Variants in TRIM2 observed in about 807,000 individuals in gnomAD.
TRIM2 encodes tripartite motif containing 2.
TRIM2 carries 20 observed loss-of-function variants against 75.2 expected under a neutral mutation model. The ratio of observed to expected loss-of-function variants is 0.27; its 90% CI spans 0.19 to 0.39. TRIM2 has a LOEUF of 0.39. TRIM2 is among the 10% of genes least tolerant of loss of function. The pLI, the probability that TRIM2 is intolerant of heterozygous loss-of-function variation, is 1.00. For missense variants in TRIM2, 660 were observed against 990.8 expected, an observed-to-expected ratio of 0.67 and a Z score of 4.48; for synonymous variants, 373 against 388.3, an observed-to-expected ratio of 0.96 and a Z score of 0.46.
chr4:153,257,080 G>A (rs1442029673), intron 1 of TRIM2, among the ~76,000 whole-genome samples: 1 of 152,194 alleles, frequency 6.6e-6, no homozygotes, highest in Non-Finnish European at 1.5e-5. Context: ...GGTACCATAT[G>A]CCCAGTTTCT....
At chr4:153,191,813 C>T (rs1371125998) in intron 1 of TRIM2, among the ~76,000 whole-genome samples, 3 of 152,164 alleles carry the variant, frequency 2.0e-5, no homozygotes, top group Non-Finnish European at 1.5e-5. Flanking sequence ...ACAAGCCTTC[C>T]TATAGTATAT....
rs1772303812 is a variant in TRIM2 at position 153,335,129 on chromosome 4, A to T, written c.*163A>T. The T allele has an allele frequency of 7.7e-7, 1 of 1,292,246 alleles. No individual in the cohort carries two copies. Among genetic ancestry groups the T allele is most frequent in the South Asian group, 2.9e-5 (1 of 34,210 alleles). The allele number at this position is 1,292,246 out of a possible 1,614,324, so 80.0% of individuals were successfully genotyped here. On this transcript the variant is annotated 3_prime_UTR_variant, in exon 12 of 12. Transcript: ENST00000338700. Reference sequence around the variant, plus strand: ...GTAACAATTTCCTTAAAAATGACTTATCCAATTTCTGTATTTCACCTTTAG... The same window carrying T: ...GTAACAATTTCCTTAAAAATGACTTTTCCAATTTCTGTATTTCACCTTTAG...
At chr4:153,284,713 A>G (rs1157508350) in intron 3 of TRIM2, among the ~76,000 whole-genome samples, 1 of 152,172 alleles carries the variant, frequency 6.6e-6, no homozygotes, top group Non-Finnish European at 1.5e-5. Context: ...TCATATTTTC[A>G]TGTGCTAATT....
chr4:153,208,723 C>T (rs1490008992), intron 1 of TRIM2, among the ~76,000 whole-genome samples: 1 of 152,158 alleles, frequency 6.6e-6, no homozygotes, highest in Non-Finnish European at 1.5e-5. Context: ...AAAGCTAGAA[C>T]ATGTAGACTG....
intron 2 of TRIM2, among the ~76,000 whole-genome samples, chr4:153,273,442 ATTTT>A (rs11459214): frequency 1.9e-4 from 15 of 77,650 alleles, no homozygotes; most frequent in African/African-American, 1.2e-3. Context: ...CGCCCGGCTA[ATTTT>A]TTTTTTTTTT....
intron 1 of TRIM2, among the ~76,000 whole-genome samples, chr4:153,216,193 T>G (rs1286352906): frequency 6.6e-6 from 1 of 152,204 alleles, no homozygotes; most frequent in Non-Finnish European, 1.5e-5. Context: ...GAGCCTCTAT[T>G]GAGTAAGCAT....
Position 153,323,801 on chromosome 4 carries a change from T to C in TRIM2, c.1952-277T>C, listed in dbSNP as rs10517569. On this transcript the variant is annotated intron_variant, in intron 9 of 11. Coordinates refer to ENST00000338700, the MANE Select transcript of TRIM2 (RefSeq NM_015271.5). ...AGATGGTGGCACGGAGAATGAATTC[T>C]GATGCTTACTGCTCCTCCCACTTCA... 0.12 allele frequency among the ~76,000 whole-genome samples: 18,782 copies of C among 152,192 alleles called. 1,594 individuals are homozygous for C. Among genetic ancestry groups the C allele is most frequent in the South Asian group, 0.28 (1,353 of 4,806 alleles).
At chr4:153,216,173 A>T (rs1738420796) in intron 1 of TRIM2, among the ~76,000 whole-genome samples, 1 of 152,174 alleles carries the variant, frequency 6.6e-6, no homozygotes, top group Non-Finnish European at 1.5e-5. Context: ...TGGTTCTGTA[A>T]TGTGACCTGG....
At chr4:153,152,620 T>C (rs992827739), upstream of TRIM2, 7 of 151,772 alleles carry the variant, frequency 4.6e-5, no homozygotes, top group African/African-American at 1.7e-4. Flanking sequence ...ACAGTAAGGT[T>C]CTGTTGGCCA....
At position 153,335,894 on chromosome 4, in the gene TRIM2, T is replaced by A; in HGVS notation, c.*928T>A. On this transcript the variant is annotated 3_prime_UTR_variant, in exon 12 of 12. Coordinates refer to ENST00000338700, the MANE Select transcript of TRIM2 (RefSeq NM_015271.5). ...CAGCACATGTAGTAGGACACCAGTATCCTAGGACAGAGAGCCATAAGTAGC... is the reference window on the plus strand; with the variant it reads ...CAGCACATGTAGTAGGACACCAGTAACCTAGGACAGAGAGCCATAAGTAGC... The A allele has an allele frequency of 1.0e-6, 1 of 985,810 alleles. No homozygotes were observed. The highest frequency in any genetic ancestry group is 1.7e-5 in the African/African-American group (1 of 57,330). The allele number at this position is 985,810 out of a possible 1,614,324, so 61.1% of individuals were successfully genotyped here.
chr4:153,290,346 G>T (rs563276640), intron 3 of TRIM2, among the ~76,000 whole-genome samples: 1 of 152,148 alleles, frequency 6.6e-6, no homozygotes, highest in East Asian at 1.9e-4. Context: ...GTTTTAGATC[G>T]TTCTATTTCC....
chr4:153,240,991 C>G (rs534664839), intron 1 of TRIM2, among the ~76,000 whole-genome samples: 1 of 152,266 alleles, frequency 6.6e-6, no homozygotes, highest in South Asian at 2.1e-4. Context: ...GCAGGAGAAT[C>G]GCTTGAACCT....
At chr4:153,301,071 G>T (rs894893046) in intron 6 of TRIM2, among the ~76,000 whole-genome samples, 2 of 151,702 alleles carry the variant, frequency 1.3e-5, no homozygotes, top group African/African-American at 4.8e-5. Context: ...AATGCCTGTA[G>T]TCCCAGCTAC....
At chr4:153,196,274 C>A (rs1379885448) in intron 1 of TRIM2, among the ~76,000 whole-genome samples, 1 of 133,756 alleles carries the variant, frequency 7.5e-6, no homozygotes, top group Non-Finnish European at 1.6e-5. Context: ...CCCCCCCCCA[C>A]ACACACACAC....
Position 153,295,762 on chromosome 4 carries a change from G to T in TRIM2, c.1236G>T (p.Lys412Asn). 6.2e-7 allele frequency: 1 copy of T among 1,614,070 alleles called. No homozygotes were observed. Among genetic ancestry groups the T allele is most frequent in the African/African-American group, 1.3e-5 (1 of 74,992 alleles). Residue 412 changes from lysine to asparagine, a missense_variant, in exon 6 of 12, where the codon AAG becomes AAT. This residue lies in a region of TRIM2 where 620 missense variants were observed against 891.0 expected (regional missense o/e 0.70). Coordinates refer to ENST00000338700, the MANE Select transcript of TRIM2 (RefSeq NM_015271.5). This position sits in a 1 kb window ranked among gnomAD's most constrained non-coding sequence, Gnocchi z 7.2. ...SVADGEILDN[K>N]NGTYEFLYTV... ...CAGACGGGGAGATCCTGGACAACAAGAACGGCACCTATGAGTTTTTGTACA... is the reference window on the plus strand; with the variant it reads ...CAGACGGGGAGATCCTGGACAACAATAACGGCACCTATGAGTTTTTGTACA...
At chr4:153,226,975 A>T (rs1742296637) in intron 1 of TRIM2, among the ~76,000 whole-genome samples, 1 of 152,218 alleles carries the variant, frequency 6.6e-6, no homozygotes, top group Non-Finnish European at 1.5e-5. Context: ...AATAGCCTAA[A>T]AGGCAAAGAA....
intron 6 of TRIM2, among the ~76,000 whole-genome samples, chr4:153,302,332 G>A (rs867678282): frequency 6.6e-6 from 1 of 152,064 alleles, no homozygotes; most frequent in Admixed American, 6.5e-5. Flanking sequence ...ACATTTCTAG[G>A]GCACCTAGTG....
chr4:153,212,250 C>T (rs558200545), intron 1 of TRIM2, among the ~76,000 whole-genome samples: 1 of 152,214 alleles, frequency 6.6e-6, no homozygotes, highest in South Asian at 2.1e-4. Flanking sequence ...CATGGATGAA[C>T]CTGGAGGCCA....
chr4:153,255,496 G>A (rs530577729), intron 1 of TRIM2, among the ~76,000 whole-genome samples: 2 of 152,288 alleles, frequency 1.3e-5, no homozygotes, highest in African/African-American at 4.8e-5. Flanking sequence ...AAGAAGAAAG[G>A]ACTCCTGTTG....
Sources: allele counts gnomAD v4.1 joint callset (sites outside exome capture counted in the v4.1 genomes callset), GRCh38; gene constraint gnomAD v4.1.1; regional missense constraint gnomAD v4.1.1; non-coding constraint Gnocchi (gnomAD v3.1); transcripts MANE v1.5; gene names NCBI Gene and HGNC (gene_info 2026-07-23, HGNC 2026-07-21).